B3GALT1: variants seen among roughly 807,000 people sequenced by gnomAD.
B3GALT1 encodes the protein UDP-Gal:betaGlcNAc beta 1,3-galactosyltransferase, polypeptide 1.
Under a neutral mutation model 23.2 loss-of-function variants are expected in B3GALT1, and 10 were observed. The observed-to-expected ratio is 0.43, with a 90% CI of 0.27 to 0.73. The LOEUF (loss-of-function observed/expected upper bound fraction) is 0.73, where lower values mean the gene tolerates loss of function less well. B3GALT1 is among the 30% of genes least tolerant of loss of function. The probability of loss-of-function intolerance (pLI) is 0.21; values close to 1 mark genes in which losing one functional copy is unlikely to be tolerated. For synonymous variants in B3GALT1, 156 were observed against 141.5 expected, an observed-to-expected ratio of 1.10 and a Z score of -0.73; for missense variants, 299 against 405.4, an observed-to-expected ratio of 0.74 and a Z score of 2.25.
chr2:167,632,989 G>A (rs1469526791), intron 2 of B3GALT1, among the ~76,000 whole-genome samples: 1 of 151,894 alleles, frequency 6.6e-6, no homozygotes, highest in East Asian at 1.9e-4. Flanking sequence ...TGTAAGGAAG[G>A]GGTCCGGTTT....
intron 1 of B3GALT1, among the ~76,000 whole-genome samples, chr2:167,441,948 A>G (rs758659302): frequency 1.6e-4 from 25 of 151,738 alleles, no homozygotes; most frequent in Middle Eastern, 3.2e-3. Flanking sequence ...TTACATACGT[A>G]TACATGTGCC....
intron 3 of B3GALT1, chr2:167,713,879 G>C: frequency 1.3e-6 from 2 of 1,587,436 alleles, no homozygotes; most frequent in Admixed American, 3.3e-5. Flanking sequence ...ACCTCGTGAA[G>C]CTCCAAACAT....
In B3GALT1 at chr2:167,545,673, C is replaced by T. The variant is rs555702189; in HGVS notation, c.-410+55396C>T. Among the ~76,000 whole-genome samples, 18 of 152,234 alleles carry T rather than the reference C, an allele frequency of 1.2e-4. 2 individuals are homozygous for T. In the South Asian group the frequency reaches 3.7e-3, roughly 32 times the overall value. On this transcript the variant is annotated intron_variant, in intron 2 of 4. Coordinates refer to ENST00000392690, the MANE Select transcript of B3GALT1 (RefSeq NM_020981.4). Reference sequence around the variant, plus strand: ...CACCAGCCACAAGTTCAAGGGTCCCCAGGGCACCCTCACTTCAGACCAGCT... The same window carrying T: ...CACCAGCCACAAGTTCAAGGGTCCCTAGGGCACCCTCACTTCAGACCAGCT...
At chr2:167,510,138 A>G (rs553329109) in intron 2 of B3GALT1, among the ~76,000 whole-genome samples, 2 of 152,310 alleles carry the variant, frequency 1.3e-5, no homozygotes, top group South Asian at 2.1e-4. Flanking sequence ...TTATGGATAC[A>G]AGTAGTAGTC....
At chr2:167,368,686 G>C (rs1364767087) in intron 1 of B3GALT1, among the ~76,000 whole-genome samples, 1 of 152,134 alleles carries the variant, frequency 6.6e-6, no homozygotes, top group African/African-American at 2.4e-5. Context: ...CTGATTAGGT[G>C]CTATTATTTA....
intron 2 of B3GALT1, among the ~76,000 whole-genome samples, chr2:167,523,519 A>G (rs1000762646): frequency 6.6e-6 from 1 of 150,646 alleles, no homozygotes; most frequent in Non-Finnish European, 1.5e-5. Context: ...TCCGCGTCCC[A>G]CGTTGAAGCA....
chr2:167,780,824 G>A (rs1688234085), intron 3 of B3GALT1, among the ~76,000 whole-genome samples: 1 of 152,170 alleles, frequency 6.6e-6, no homozygotes, highest in African/African-American at 2.4e-5. Flanking sequence ...TGTGTAAAGT[G>A]TCACTCTATG....
At chr2:167,751,389 G>T (rs542211686) in intron 3 of B3GALT1, among the ~76,000 whole-genome samples, 4 of 152,290 alleles carry the variant, frequency 2.6e-5, no homozygotes, top group African/African-American at 9.6e-5. Context: ...TTGGACAGAG[G>T]CACCAGACAA....
intron 3 of B3GALT1, among the ~76,000 whole-genome samples, chr2:167,779,773 T>C (rs1264515710): frequency 6.6e-6 from 1 of 152,218 alleles, no homozygotes; most frequent in African/African-American, 2.4e-5. Context: ...GAGCATTACA[T>C]ATTGCATTGT....
intron 1 of B3GALT1, among the ~76,000 whole-genome samples, chr2:167,333,632 G>A (rs1281452041): frequency 3.2e-4 from 49 of 152,194 alleles, no homozygotes; most frequent in Non-Finnish European, 1.3e-4. Flanking sequence ...GAATGGCAGT[G>A]TCAGGGAACT....
chr2:167,778,534 A>C (rs1179460206), intron 3 of B3GALT1, among the ~76,000 whole-genome samples: 1 of 152,208 alleles, frequency 6.6e-6, no homozygotes, highest in East Asian at 1.9e-4. Context: ...CTACAATTAC[A>C]ACTCCCTCTT....
intron 2 of B3GALT1, among the ~76,000 whole-genome samples, chr2:167,554,205 G>A (rs1440898655): frequency 6.6e-6 from 1 of 152,084 alleles, no homozygotes; most frequent in African/African-American, 2.4e-5. Flanking sequence ...CTTAACTTAT[G>A]GTGTTTAAGA....
chr2:167,367,611 C>A (rs1697609931), intron 1 of B3GALT1, among the ~76,000 whole-genome samples: 2 of 152,176 alleles, frequency 1.3e-5, no homozygotes, highest in Non-Finnish European at 2.9e-5. Flanking sequence ...ATCTGCAATT[C>A]TATTAAGAAT....
At chr2:167,351,907 G>A (rs1441359152) in intron 1 of B3GALT1, among the ~76,000 whole-genome samples, 1 of 151,550 alleles carries the variant, frequency 6.6e-6, no homozygotes, top group Admixed American at 6.6e-5. Context: ...GTGACTACAG[G>A]TGAACAACAG....
chr2:167,426,059 A>G (rs765991442), intron 1 of B3GALT1, among the ~76,000 whole-genome samples: 1 of 152,202 alleles, frequency 6.6e-6, no homozygotes, highest in Non-Finnish European at 1.5e-5. Flanking sequence ...AGAGAAAAAT[A>G]TCCTCCATAT....
chr2:167,557,207 G>A (rs1683869291), intron 2 of B3GALT1, among the ~76,000 whole-genome samples: 1 of 151,838 alleles, frequency 6.6e-6, no homozygotes, highest in South Asian at 2.1e-4. Context: ...GAGATGGGTT[G>A]TGTGATCAAA....
chr2:167,442,580 G>A (rs1001140527), intron 1 of B3GALT1, among the ~76,000 whole-genome samples: 2 of 151,692 alleles, frequency 1.3e-5, no homozygotes, highest in African/African-American at 2.4e-5. Flanking sequence ...TCTAACTGGT[G>A]TCAGATGGTA....
chr2:167,756,247 G>A (rs1212551441), intron 3 of B3GALT1, among the ~76,000 whole-genome samples: 2 of 151,830 alleles, frequency 1.3e-5, no homozygotes, highest in Admixed American at 1.3e-4. Context: ...ATATTCCAAA[G>A]GTTATGCGTT....
rs869066627 is a variant in B3GALT1 at position 167,545,023 on chromosome 2, C to CTTTTTTT, written c.-410+54771_-410+54777dup. On this transcript the variant is annotated intron_variant, in intron 2 of 4. Transcript: ENST00000392690. ...GGAAGGCCGCTTTTGGCTTGGGTGT[C>CTTTTTTT]TTTTTTTTTTTTTTTTTTTTTTTTT... Among the ~76,000 whole-genome samples, 427 of 54,282 alleles carry CTTTTTTT rather than the reference C, an allele frequency of 7.9e-3. 102 individuals are homozygous for CTTTTTTT. Among genetic ancestry groups the CTTTTTTT allele is most frequent in the Middle Eastern group, 0.022 (1 of 46 alleles). 35.6% of individuals were successfully genotyped at this position (54,282 alleles called of 152,430 possible). A position where few individuals can be genotyped will look rare whatever the true frequency, so the allele number is the denominator to read the frequency against.
Sources: gnomAD v4.1 joint callset for allele counts (sites outside exome capture counted in the v4.1 genomes callset) on GRCh38, gnomAD v4.1.1 for gene constraint, MANE v1.5 for transcripts, NCBI Gene and HGNC (gene_info 2026-07-23, HGNC 2026-07-21) for gene names.